The following RALGAPA2 variants were observed in gnomAD, a reference collection of about 807,000 sequenced individuals.
RALGAPA2 encodes ral GTPase-activating protein subunit alpha-2.
Under a neutral mutation model 230.4 loss-of-function variants are expected in RALGAPA2, and 139 were observed. The observed-to-expected ratio is 0.60, with a 90% CI of 0.53 to 0.69. The LOEUF is 0.69. Among genes scored for constraint, RALGAPA2 ranks in the 30% least tolerant of loss-of-function variants. The probability of loss-of-function intolerance (pLI) is 0.00; values close to 1 mark genes in which losing one functional copy is unlikely to be tolerated. For missense variants in RALGAPA2, 2,163 were observed against 2,276.0 expected (o/e 0.95, Z 1.01); for synonymous variants, 847 against 837.8 (o/e 1.01, Z -0.19).
chr20:20,407,749 A>C (rs1331161257), intron 38 of RALGAPA2, among the ~76,000 whole-genome samples: 1 of 149,480 alleles, frequency 6.7e-6, no homozygotes, highest in Non-Finnish European at 1.5e-5. Flanking sequence ...AAGCTACAGA[A>C]GTCTTTTTCA....
chr20:20,657,231 C>G (rs2067619588), intron 3 of RALGAPA2, among the ~76,000 whole-genome samples: 1 of 152,156 alleles, frequency 6.6e-6, no homozygotes, highest in Non-Finnish European at 1.5e-5. Context: ...AAATCTCTGC[C>G]AGCCTAGCGG....
In RALGAPA2 at chr20:20,445,641, T is replaced by C. The variant is rs149099034; in HGVS notation, c.5495+27188A>G. Among the ~76,000 whole-genome samples the C allele has an allele frequency of 5.3e-5, 8 of 152,356 alleles. No individual in the cohort carries two copies. The East Asian group carries it at 5.8e-4, about 11-fold the overall frequency. The stretch of plus-strand genomic sequence containing the variant: ...GGCTGGGGATGGGTAAAGGGATCTA[T>C]AGCATAGCCTCCAAACAGTACTTTC... On this transcript the variant is annotated intron_variant, in intron 37 of 39. Transcript: ENST00000202677.
At chr20:20,531,368 C>A (rs1262792355) in intron 27 of RALGAPA2, among the ~76,000 whole-genome samples, 3 of 152,184 alleles carry the variant, frequency 2.0e-5, no homozygotes, top group Admixed American at 6.5e-5. Flanking sequence ...GCTGAAGAGG[C>A]CAGAGCACGA....
Position 20,671,596 on chromosome 20 carries a change from A to C in RALGAPA2, c.270+4640T>G, listed in dbSNP as rs145792976. 2.3e-3 allele frequency among the ~76,000 whole-genome samples: 351 copies of C among 152,382 alleles called. 1 individual carries two copies. The highest frequency in any genetic ancestry group is 4.6e-3 in the Non-Finnish European group (312 of 68,032). On this transcript the variant is annotated intron_variant, in intron 3 of 39. Transcript: ENST00000202677. ...CCAGAGACAGAGGGAACATAAGCAT[A>C]AACAAAAGTAATGCAAGTTTATTAT... is the stretch of plus-strand genomic sequence containing the variant.
intron 23 of RALGAPA2, among the ~76,000 whole-genome samples, chr20:20,552,014 G>A (rs2063939266): frequency 1.3e-5 from 2 of 152,158 alleles, no homozygotes; most frequent in African/African-American, 4.8e-5. Context: ...GCACAGTGGT[G>A]TCAAAATGGG....
In RALGAPA2 at chr20:20,421,706, G is replaced by A. The variant is rs79484103; in HGVS notation, c.5496-9558C>T. 2.8e-4 allele frequency among the ~76,000 whole-genome samples: 42 copies of A among 152,170 alleles called. No homozygotes were observed. In the East Asian group the frequency reaches 7.3e-3, roughly 27 times the overall value. ...AAACAAACAAACAAACAAACAAAGT[G>A]CAGCCACTGTGGAAAACAGTTTGGC... On this transcript the variant is annotated intron_variant, in intron 37 of 39. Transcript: ENST00000202677.
chr20:20,470,422 C>T (rs762111316), intron 37 of RALGAPA2, among the ~76,000 whole-genome samples: 3 of 152,164 alleles, frequency 2.0e-5, no homozygotes, highest in Non-Finnish European at 4.4e-5. Flanking sequence ...CAAAGTAATT[C>T]CACTGGCTCG....
chr20:20,600,640 A>T lies in RALGAPA2; in HGVS notation c.2203+1042T>A, dbSNP rs2065611342. Among the ~76,000 whole-genome samples, 4 of 152,244 alleles carry T rather than the reference A, an allele frequency of 2.6e-5. No homozygotes were observed. In the South Asian group the frequency reaches 6.2e-4, roughly 24 times the overall value. ...TTAAGCTTTAATGAATCTTTGTTTTATGGCCAGAGGATCTTGCGACTTTCT... is the reference window on the plus strand; with the variant it reads ...TTAAGCTTTAATGAATCTTTGTTTTTTGGCCAGAGGATCTTGCGACTTTCT... On this transcript the variant is annotated intron_variant, in intron 16 of 39. Transcript: ENST00000202677.
chr20:20,705,817 C>T (rs113291493), intron 1 of RALGAPA2, among the ~76,000 whole-genome samples: 1,677 of 152,154 alleles, frequency 0.011, 27 homozygotes, highest in African/African-American at 0.039. Flanking sequence ...TACAGGCACG[C>T]GCAACCACCC....
rs1300392956 is a variant in RALGAPA2, at chr20:20,392,540, T to C, written c.*749A>G. On this transcript the variant is annotated 3_prime_UTR_variant, in exon 40 of 40. Transcript: ENST00000202677. ...ACAGGACCCTGTATTTCTGGAATCT[T>C]CTGAGTGTTCTAAGATAGGGGCATC... 1 of 154,190 alleles carries C rather than the reference T, an allele frequency of 6.5e-6. No individual in the cohort carries two copies. The highest frequency in any genetic ancestry group is 1.4e-5 in the Non-Finnish European group (1 of 69,320). The allele number at this position is 154,190 out of a possible 1,614,324, so 9.6% of individuals were successfully genotyped here.
At chr20:20,659,314 C>T (rs1024424371) in intron 3 of RALGAPA2, among the ~76,000 whole-genome samples, 1 of 152,196 alleles carries the variant, frequency 6.6e-6, no homozygotes, top group African/African-American at 2.4e-5. Context: ...TAGGCCTGGA[C>T]ACTCATCTCT....
At chr20:20,485,755 C>T (rs922343278) in intron 36 of RALGAPA2, among the ~76,000 whole-genome samples, 3 of 152,180 alleles carry the variant, frequency 2.0e-5, no homozygotes, top group Non-Finnish European at 4.4e-5. Context: ...TATAACATTG[C>T]TATCATTTAT....
chr20:20,629,796 A>G (rs952580054), intron 9 of RALGAPA2, among the ~76,000 whole-genome samples: 4 of 152,194 alleles, frequency 2.6e-5, no homozygotes, highest in African/African-American at 2.4e-5. Flanking sequence ...CTCCCAACTC[A>G]GCTATTTTAA....
At chr20:20,654,548 C>G (rs1201782570) in intron 3 of RALGAPA2, among the ~76,000 whole-genome samples, 1 of 152,216 alleles carries the variant, frequency 6.6e-6, no homozygotes, top group Non-Finnish European at 1.5e-5. Flanking sequence ...CCTCCAGGTT[C>G]AACCATGTTG....
At chr20:20,651,895 C>A (rs1371522166) in intron 4 of RALGAPA2, among the ~76,000 whole-genome samples, 1 of 152,186 alleles carries the variant, frequency 6.6e-6, no homozygotes, top group Admixed American at 6.5e-5. Flanking sequence ...CACCACAAAT[C>A]CCCATGATGT....
chr20:20,600,367 T>C (rs1729987398), intron 16 of RALGAPA2, among the ~76,000 whole-genome samples: 1 of 151,938 alleles, frequency 6.6e-6, no homozygotes, highest in Non-Finnish European at 1.5e-5. Context: ...AGAAAGGAAA[T>C]CAGTGAATGA....
chr20:20,662,158 A>G (rs1013995715), intron 3 of RALGAPA2, among the ~76,000 whole-genome samples: 4 of 152,224 alleles, frequency 2.6e-5, no homozygotes, highest in Non-Finnish European at 5.9e-5. Flanking sequence ...AAACATTTAC[A>G]AAGTTATTAT....
At chr20:20,556,490 C>A (rs143614531) in intron 23 of RALGAPA2, among the ~76,000 whole-genome samples, 7 of 152,124 alleles carry the variant, frequency 4.6e-5, no homozygotes, top group African/African-American at 1.7e-4. Context: ...TTGAAGATGC[C>A]GTGGCCTGAC....
At chr20:20,472,762 T>G (rs772411535) in intron 37 of RALGAPA2, 67 bp downstream of exon 37, 1 of 1,538,252 alleles carries the variant, frequency 6.5e-7, no homozygotes, top group Non-Finnish European at 8.8e-7. Flanking sequence ...TTACCTCTTA[T>G]GAAAAACTGC....
Sources: allele counts gnomAD v4.1 joint callset (sites outside exome capture counted in the v4.1 genomes callset), GRCh38; gene constraint gnomAD v4.1.1; transcripts MANE v1.5; gene names NCBI Gene and HGNC (gene_info 2026-07-23, HGNC 2026-07-21).